The following UNC5D variants were observed in gnomAD, a reference collection of about 807,000 sequenced individuals.
UNC5D encodes unc-5 netrin receptor D.
A neutral mutation model predicts 105.4 loss-of-function variants in UNC5D; 39 were observed. The observed-to-expected ratio is 0.37, with a 90% CI of 0.29 to 0.48. The LOEUF (loss-of-function observed/expected upper bound fraction) is 0.48, where lower values mean the gene tolerates loss of function less well. Among genes scored for constraint, UNC5D ranks in the 20% least tolerant of loss-of-function variants. UNC5D has a pLI of 0.98. For synonymous variants in UNC5D, 452 were observed against 450.4 expected (o/e 1.00, Z -0.04); for missense variants, 991 against 1,202.4 (o/e 0.82, Z 2.60).
intron 1 of UNC5D, among the ~76,000 whole-genome samples, chr8:35,384,849 G>C (rs1803283032): frequency 6.6e-6 from 1 of 152,172 alleles, no homozygotes; most frequent in African/African-American, 2.4e-5. Flanking sequence ...ACAGAAGTCT[G>C]GCAGCAATGT....
At chr8:35,743,778 T>C (rs1182550634) in intron 11 of UNC5D, among the ~76,000 whole-genome samples, 2 of 152,090 alleles carry the variant, frequency 1.3e-5, no homozygotes, top group Admixed American at 1.3e-4. Context: ...TATATACATA[T>C]ATGTGCATAT....
At chr8:35,585,292 A>G (rs80105145) in intron 3 of UNC5D, among the ~76,000 whole-genome samples, 1,963 of 152,290 alleles carry the variant, frequency 0.013, 39 homozygotes, top group African/African-American at 0.044. Flanking sequence ...CGTCAGCATG[A>G]CAGGACCTTT....
At chr8:35,387,701 C>T (rs1470193478) in intron 1 of UNC5D, among the ~76,000 whole-genome samples, 1 of 152,110 alleles carries the variant, frequency 6.6e-6, no homozygotes, top group Non-Finnish European at 1.5e-5. Context: ...TCTTTAAGTT[C>T]ATGTGTAGGA....
intron 7 of UNC5D, among the ~76,000 whole-genome samples, chr8:35,696,031 T>A (rs933187015): frequency 5.9e-5 from 9 of 152,072 alleles, no homozygotes; most frequent in Non-Finnish European, 5.9e-5. Flanking sequence ...AAATATTTTT[T>A]ATAAAGCAAA....
At chr8:35,383,512 G>C (rs1803170059) in intron 1 of UNC5D, among the ~76,000 whole-genome samples, 1 of 152,168 alleles carries the variant, frequency 6.6e-6, no homozygotes, top group Admixed American at 6.5e-5. Context: ...AGGTTTCCAG[G>C]TAAAACGATC....
chr8:35,586,334 C>T (rs766831670), intron 3 of UNC5D, among the ~76,000 whole-genome samples: 16 of 152,118 alleles, frequency 1.1e-4, no homozygotes, highest in East Asian at 1.9e-4. Context: ...GCCACGCTTG[C>T]GGGAGGAGCG....
At chr8:35,396,149 A>G (rs1804087072) in intron 1 of UNC5D, among the ~76,000 whole-genome samples, 1 of 151,934 alleles carries the variant, frequency 6.6e-6, no homozygotes, top group Non-Finnish European at 1.5e-5. Flanking sequence ...CCTCCTCTCT[A>G]TTTTAGCTCT....
chr8:35,633,475 C>T (rs992753658), intron 4 of UNC5D, among the ~76,000 whole-genome samples: 23 of 151,738 alleles, frequency 1.5e-4, no homozygotes, highest in Non-Finnish European at 2.8e-4. Flanking sequence ...GTACAGGGCA[C>T]GGTGGCTCAC....
chr8:35,665,641 T>C (rs987970918), intron 4 of UNC5D, among the ~76,000 whole-genome samples: 1 of 89,594 alleles, frequency 1.1e-5, no homozygotes, highest in African/African-American at 1.4e-4. Flanking sequence ...GAAGGTGCCA[T>C]TTTTTTTTTT....
chr8:35,400,066 G>T (rs377429187), intron 1 of UNC5D, among the ~76,000 whole-genome samples: 2 of 152,128 alleles, frequency 1.3e-5, no homozygotes, highest in Non-Finnish European at 2.9e-5. Context: ...ATCATGAAAA[G>T]TCAACCCTGG....
chr8:35,393,278 C>T (rs1277537519), intron 1 of UNC5D, among the ~76,000 whole-genome samples: 5 of 151,102 alleles, frequency 3.3e-5, no homozygotes, highest in African/African-American at 4.9e-5. Context: ...GGACTACAGG[C>T]GCCCGCCACC....
chr8:35,610,576 G>A (rs1820606025), intron 4 of UNC5D, among the ~76,000 whole-genome samples: 1 of 152,162 alleles, frequency 6.6e-6, no homozygotes. Flanking sequence ...AGGAGCACAG[G>A]TTTGATGCTA....
chr8:35,386,211 T>C (rs1056160108), intron 1 of UNC5D, among the ~76,000 whole-genome samples: 2 of 152,216 alleles, frequency 1.3e-5, no homozygotes, highest in Non-Finnish European at 2.9e-5. Context: ...TCACTGATTT[T>C]TTTAAGCCAC....
In UNC5D at chr8:35,750,800, T is replaced by G. The variant is rs1467587138; in HGVS notation, c.2154T>G (p.Cys718Trp). Residue 718 changes from cysteine to tryptophan, a missense_variant, in exon 13 of 17, where the codon TGT (cysteine) becomes TGG (tryptophan). Physicochemically the swap from Cys to Trp is radical, Grantham distance 215 (BLOSUM62 -2). Around this residue, in one of 3 missense-constraint regions of UNC5D, gnomAD observed 944 missense variants for 1,131.6 expected, o/e 0.83. Coordinates refer to ENST00000404895, the MANE Select transcript of UNC5D (RefSeq NM_080872.4). Reference sequence around the variant, plus strand: ...TTTACTGTGTGGACAATACCCCTTGTGCATTTCAGGTTAGCCTTTGTTTTA... The same window carrying G: ...TTTACTGTGTGGACAATACCCCTTGGGCATTTCAGGTTAGCCTTTGTTTTA... ...LRVYCVDNTP[C>W]AFQEVVSDER... 6.2e-7 allele frequency: 1 copy of G among 1,614,040 alleles called. No homozygotes were observed. Among genetic ancestry groups the G allele is most frequent in the Non-Finnish European group, 8.5e-7 (1 of 1,180,002 alleles).
chr8:35,318,874 A>C (rs1400011674), intron 1 of UNC5D, among the ~76,000 whole-genome samples: 2 of 152,130 alleles, frequency 1.3e-5, no homozygotes, highest in Non-Finnish European at 2.9e-5. Context: ...TAACCTATCC[A>C]TTACGAGTGT....
In UNC5D at chr8:35,726,430, C is replaced by G. The variant is rs200108359; in HGVS notation, c.1582C>G (p.Pro528Ala). ...FSTMHPRNKMPYIQNLSSLPT... is the reference protein window; with the variant it reads ...FSTMHPRNKMAYIQNLSSLPT... ...TACAATGCATCCCAGAAATAAAATG[C>G]CCTACATCCAAAATCTGTCATCACT... Residue 528 changes from proline to alanine, a missense_variant, in exon 10 of 17, where the codon CCC becomes GCC. Pro to Ala is a conservative substitution (Grantham distance 27, BLOSUM62 -1). Coordinates refer to ENST00000404895, the MANE Select transcript of UNC5D (RefSeq NM_080872.4). The G allele has an allele frequency of 6.2e-7, 1 of 1,614,128 alleles. No individual in the cohort carries two copies. The highest frequency in any genetic ancestry group is 8.5e-7 in the Non-Finnish European group (1 of 1,180,022).
intron 1 of UNC5D, among the ~76,000 whole-genome samples, chr8:35,331,782 C>G (rs757369676): frequency 1.8e-4 from 28 of 152,254 alleles, no homozygotes; most frequent in Non-Finnish European, 3.4e-4. Flanking sequence ...CATCCTGCCT[C>G]TATCACTACT....
intron 1 of UNC5D, among the ~76,000 whole-genome samples, chr8:35,437,712 A>G (rs549024425): frequency 6.6e-6 from 1 of 152,190 alleles, no homozygotes; most frequent in African/African-American, 2.4e-5. Flanking sequence ...AGAGATCTAT[A>G]AAACCTTGTG....
rs369611439 is a variant in UNC5D, at chr8:35,327,391, C to A, written c.103+91504C>A. Among the ~76,000 whole-genome samples the A allele has an allele frequency of 4.8e-4, 73 of 152,182 alleles. 1 individual carries two copies. Among genetic ancestry groups the A allele is most frequent in the African/African-American group, 1.6e-3 (68 of 41,498 alleles). ...GCATGTTTGTTGACCCATCTCATGCCGATGACCCGTGCATACCACTGGTGT... is the reference window on the plus strand; with the variant it reads ...GCATGTTTGTTGACCCATCTCATGCAGATGACCCGTGCATACCACTGGTGT... On this transcript the variant is annotated intron_variant, in intron 1 of 16. Transcript: ENST00000404895.
Sources: gnomAD v4.1 joint callset for allele counts (sites outside exome capture counted in the v4.1 genomes callset) on GRCh38, gnomAD v4.1.1 for gene constraint, gnomAD v4.1.1 regional missense constraint, MANE v1.5 for transcripts, NCBI Gene and HGNC (gene_info 2026-07-23, HGNC 2026-07-21) for gene names.